Variants in OPRM1 observed in about 807,000 individuals in gnomAD.
OPRM1 encodes mu-type opioid receptor.
A neutral mutation model predicts 31.8 loss-of-function variants in OPRM1; 27 were observed. The ratio of observed to expected loss-of-function variants is 0.85; its 90% CI spans 0.63 to 1.17. The LOEUF (loss-of-function observed/expected upper bound fraction) is 1.17. OPRM1 is among the 50% of genes most tolerant of loss of function. The pLI is 0.00. For synonymous variants in OPRM1, 196 were observed against 189.9 expected (o/e 1.03, Z -0.26); for missense variants, 536 against 511.1 (o/e 1.05, Z -0.47).
chr6:154,035,878 G>A (rs1779272913), upstream of OPRM1, among the ~76,000 whole-genome samples: 2 of 152,104 alleles, frequency 1.3e-5, no homozygotes, highest in Admixed American at 6.5e-5. Flanking sequence ...GAAAGCCTGG[G>A]CTAAGCAAGA....
In OPRM1 at chr6:154,194,711, C is replaced by T. The variant is rs114851800; in HGVS notation, c.1165-51982C>T. On this transcript the variant is annotated intron_variant, in intron 3 of 3. Transcript: ENST00000337049. ...ATGAAAAACAAAGGTAATGTAAAAT[C>T]TAAGTACTATGAATGGCCTACTTAA... Among the ~76,000 whole-genome samples, 459 of 152,242 alleles carry T rather than the reference C, an allele frequency of 3.0e-3. 4 individuals are homozygous for T. The highest frequency in any genetic ancestry group is 0.01 in the African/African-American group (434 of 41,536).
chr6:154,135,854 G>A, downstream of OPRM1, among the ~76,000 whole-genome samples: 1 of 152,156 alleles, frequency 6.6e-6, no homozygotes, highest in East Asian at 1.9e-4. Context: ...CTAGAAATGT[G>A]TTTTCTGAAA....
intron 3 of OPRM1, chr6:154,155,019 A>C (rs1448877272): frequency 6.6e-6 from 1 of 152,278 alleles, no homozygotes; most frequent in Non-Finnish European, 1.5e-5. Flanking sequence ...AAGGTTAAAA[A>C]AAAAAAATTC....
intron 3 of OPRM1, among the ~76,000 whole-genome samples, chr6:154,200,527 C>T (rs12210420): frequency 0.079 from 12,002 of 152,046 alleles, 957 homozygotes; most frequent in East Asian, 0.42. Flanking sequence ...TTGAGACCAG[C>T]CGGGCCAGTA....
chr6:154,035,487 A>G (rs952500049), upstream of OPRM1, among the ~76,000 whole-genome samples: 1 of 152,154 alleles, frequency 6.6e-6, no homozygotes, highest in Non-Finnish European at 1.5e-5. Context: ...AATACATAAA[A>G]TGTTCCTCCA....
At chr6:154,074,188 G>A (rs1787368405) in intron 1 of OPRM1, 1 of 151,934 alleles carries the variant, frequency 6.6e-6, no homozygotes, top group Non-Finnish European at 1.5e-5. Context: ...ATGTCTCCAG[G>A]GCAAATTACT....
At chr6:154,227,271 C>G (rs973705080) in intron 3 of OPRM1, among the ~76,000 whole-genome samples, 3 of 151,954 alleles carry the variant, frequency 2.0e-5, no homozygotes, top group African/African-American at 7.3e-5. Context: ...TTCCATGGAG[C>G]TGAATTAGAA....
intron 1 of OPRM1, among the ~76,000 whole-genome samples, chr6:154,084,514 C>T (rs1270545330): frequency 6.6e-6 from 1 of 151,980 alleles, no homozygotes; most frequent in African/African-American, 2.4e-5. Context: ...CAGGTAGATA[C>T]TCATTTGACC....
intron 3 of OPRM1, among the ~76,000 whole-genome samples, chr6:154,207,739 T>G (rs1463023544): frequency 1.3e-5 from 2 of 152,222 alleles, no homozygotes; most frequent in African/African-American, 2.4e-5. Flanking sequence ...TTGCTTCTTT[T>G]GTTTATTTTA....
intron 3 of OPRM1, among the ~76,000 whole-genome samples, chr6:154,246,225 A>T (rs1412529722): frequency 6.6e-6 from 1 of 152,224 alleles, no homozygotes; most frequent in Non-Finnish European, 1.5e-5. Flanking sequence ...TTTAGTAGAG[A>T]GACCTTAACT....
chr6:154,118,153 C>T (rs915013861), intron 3 of OPRM1, among the ~76,000 whole-genome samples: 5 of 152,004 alleles, frequency 3.3e-5, no homozygotes, highest in African/African-American at 1.2e-4. Context: ...TATTGTTCAA[C>T]ACATATGCCA....
intron 3 of OPRM1, among the ~76,000 whole-genome samples, chr6:154,099,348 C>CGAGAGA (rs58655710): frequency 8.8e-5 from 11 of 125,142 alleles, no homozygotes; most frequent in East Asian, 4.7e-4. Context: ...AGGAAGAGAG[C>CGAGAGA]GAGAGAGAGA....
chr6:154,035,955 A>T (rs925865365), upstream of OPRM1, among the ~76,000 whole-genome samples: 1 of 152,102 alleles, frequency 6.6e-6, no homozygotes, highest in Non-Finnish European at 1.5e-5. Flanking sequence ...GAAATAAAAG[A>T]TATATTTGGG....
At chr6:154,055,158 C>T (rs1782989966) in intron 1 of OPRM1, among the ~76,000 whole-genome samples, 1 of 152,168 alleles carries the variant, frequency 6.6e-6, no homozygotes, top group African/African-American at 2.4e-5. Context: ...GAGGCTGTGG[C>T]GGGCAGATCA....
intron 3 of OPRM1, among the ~76,000 whole-genome samples, chr6:154,215,964 A>T (rs1778361668): frequency 6.6e-6 from 1 of 152,230 alleles, no homozygotes; most frequent in African/African-American, 2.4e-5. Flanking sequence ...TAAAAATATT[A>T]TTGATTTCAA....
intron 3 of OPRM1, among the ~76,000 whole-genome samples, chr6:154,176,427 T>A (rs1800337100): frequency 6.6e-6 from 1 of 152,198 alleles, no homozygotes; most frequent in Admixed American, 6.5e-5. Context: ...GAAAACCCCA[T>A]CATCTCAGCC....
chr6:154,091,818 A>G, intron 3 of OPRM1: 2 of 1,025,398 alleles, frequency 2.0e-6, no homozygotes, highest in Non-Finnish European at 2.3e-6. Flanking sequence ...GAATTATTAT[A>G]TAATTCATAG....
intron 3 of OPRM1, chr6:154,159,601 C>T: frequency 1.9e-6 from 1 of 537,958 alleles, no homozygotes; most frequent in Non-Finnish European, 3.2e-6. Context: ...CAAAAAACGC[C>T]TTTCAACTGA....
chr6:154,242,299 T>C (rs919135452), intron 3 of OPRM1, among the ~76,000 whole-genome samples: 3 of 152,222 alleles, frequency 2.0e-5, no homozygotes, highest in African/African-American at 7.2e-5. Flanking sequence ...TTTTCCCATA[T>C]CTGTTTTTAA....
Sources: gnomAD v4.1 joint callset for allele counts (sites outside exome capture counted in the v4.1 genomes callset) on GRCh38, gnomAD v4.1.1 for gene constraint, MANE v1.5 for transcripts, NCBI Gene and HGNC (gene_info 2026-07-23, HGNC 2026-07-21) for gene names.